The following VPS37A variants were observed in gnomAD, a reference collection of about 807,000 sequenced individuals.
The protein encoded by VPS37A is VPS37A subunit of ESCRT-I.
A neutral mutation model predicts 49.8 loss-of-function variants in VPS37A; 30 were observed. The ratio of observed to expected loss-of-function variants is 0.60; its 90% CI spans 0.45 to 0.82. The LOEUF is 0.82. Among genes scored for constraint, VPS37A ranks in the 40% least tolerant of loss-of-function variants. The pLI, the probability that VPS37A is intolerant of heterozygous loss-of-function variation, is 0.00. For missense variants in VPS37A, 593 were observed against 464.4 expected (o/e 1.28, Z -2.55); for synonymous variants, 195 against 160.6 (o/e 1.21, Z -1.62).
At chr8:17,279,017 C>T (rs1189841939) in intron 6 of VPS37A, among the ~76,000 whole-genome samples, 4 of 152,016 alleles carry the variant, frequency 2.6e-5, no homozygotes, top group African/African-American at 9.7e-5. Context: ...TTTGGTTTAG[C>T]CCTCCATTAT....
chr8:17,255,964 A>C (rs1475931732), intron 1 of VPS37A, among the ~76,000 whole-genome samples: 1 of 152,110 alleles, frequency 6.6e-6, no homozygotes, highest in Non-Finnish European at 1.5e-5. Flanking sequence ...TTTATTACAT[A>C]TTTTGGCTGT....
intron 9 of VPS37A, 113 bp from the exon 10 acceptor site, chr8:17,284,360 C>A: frequency 1.6e-6 from 2 of 1,237,294 alleles, no homozygotes; most frequent in African/African-American, 1.6e-5. Context: ...CAAAAAGAGG[C>A]TATATAGGGC....
chr8:17,321,883 A>C, the VPS37A span, among the ~76,000 whole-genome samples: 80,618 of 152,054 alleles, frequency 0.53, 22,250 homozygotes, highest in East Asian at 0.79. Flanking sequence ...GCAAAGACAA[A>C]AGATATAATT....
chr8:17,290,843 G>C (rs557035456), intron 11 of VPS37A, among the ~76,000 whole-genome samples: 2 of 152,008 alleles, frequency 1.3e-5, no homozygotes, highest in Non-Finnish European at 2.9e-5. Context: ...TTACTGCCTC[G>C]GTTTCAGAAC....
downstream of VPS37A, among the ~76,000 whole-genome samples, chr8:17,307,372 A>T (rs1339269364): frequency 6.6e-6 from 1 of 152,234 alleles, no homozygotes; most frequent in Non-Finnish European, 1.5e-5. Context: ...CGATCATTAA[A>T]AAGTCAGGAA....
At chr8:17,262,943 C>G (rs187613809) in intron 1 of VPS37A, among the ~76,000 whole-genome samples, 20 of 151,704 alleles carry the variant, frequency 1.3e-4, no homozygotes, top group Admixed American at 2.0e-4. Context: ...CACCTGTAGT[C>G]CCAGCTACTC....
chr8:17,298,389 T>C (rs1816878830), downstream of VPS37A: 1 of 152,142 alleles, frequency 6.6e-6, no homozygotes, highest in African/African-American at 2.4e-5. Flanking sequence ...CACAGTTCTC[T>C]AATATATTCT....
chr8:17,314,190 G>A, the VPS37A span, among the ~76,000 whole-genome samples: 2 of 152,028 alleles, frequency 1.3e-5, no homozygotes. Flanking sequence ...TCACAAATAC[G>A]GCAATCCAAA....
chr8:17,260,728 AT>A (rs1299361484), intron 1 of VPS37A, among the ~76,000 whole-genome samples: 3 of 152,150 alleles, frequency 2.0e-5, no homozygotes, highest in Non-Finnish European at 4.4e-5. Flanking sequence ...TGGTTACAGT[AT>A]TTTTGGATGG....
chr8:17,268,403 A>T (rs985438399), intron 3 of VPS37A, 31 bp downstream of exon 3: 1 of 1,450,018 alleles, frequency 6.9e-7, no homozygotes, highest in East Asian at 2.3e-5. Flanking sequence ...ATTTCAGGGT[A>T]ATATAATAGG....
the VPS37A span, among the ~76,000 whole-genome samples, chr8:17,326,680 A>G: frequency 3.9e-5 from 6 of 152,218 alleles, no homozygotes; most frequent in East Asian, 1.2e-3. Flanking sequence ...TGAACAGCCA[A>G]CATGTGGGGC....
chr8:17,270,180 CA>C (rs1813843410), intron 4 of VPS37A, among the ~76,000 whole-genome samples: 1 of 152,094 alleles, frequency 6.6e-6, no homozygotes, highest in South Asian at 2.1e-4. Flanking sequence ...CAGCAGGCCC[CA>C]CCTCCAACAT....
At chr8:17,253,619 G>C (rs1812172265) in intron 1 of VPS37A, among the ~76,000 whole-genome samples, 1 of 152,136 alleles carries the variant, frequency 6.6e-6, no homozygotes, top group Non-Finnish European at 1.5e-5. Flanking sequence ...GTATTTCCCT[G>C]ATTTACTTTT....
chr8:17,330,690 G>A, the VPS37A span, among the ~76,000 whole-genome samples: 8 of 152,298 alleles, frequency 5.3e-5, no homozygotes, highest in African/African-American at 1.9e-4. Flanking sequence ...ACATGCATGT[G>A]TATTGTGGTG....
chr8:17,265,672 C>G lies in VPS37A; in HGVS notation c.126-235C>G, dbSNP rs989951007. ...ATTAATGAAGAGTTTTTTCTTGCCT[C>G]TTTACATCATCATCCCCCTTCCCCT... On this transcript the variant is annotated intron_variant, in intron 1 of 11. Transcript: ENST00000324849. 2.2e-5 allele frequency: 25 copies of G among 1,133,566 alleles called. No individual in the cohort carries two copies. The Admixed American group carries it at 5.6e-4, about 26-fold the overall frequency. The allele number at this position is 1,133,566 out of a possible 1,614,324, so 70.2% of individuals were successfully genotyped here. A position where few individuals can be genotyped will look rare whatever the true frequency, so the allele number is the denominator to read the frequency against.
At chr8:17,287,094 G>GT (rs1289328746) in intron 11 of VPS37A, among the ~76,000 whole-genome samples, 1 of 152,032 alleles carries the variant, frequency 6.6e-6, no homozygotes, top group East Asian at 1.9e-4. Context: ...TTCTACCACG[G>GT]TATCTTTGGC....
At chr8:17,322,072 C>G in the VPS37A span, among the ~76,000 whole-genome samples, 1 of 152,126 alleles carries the variant, frequency 6.6e-6, no homozygotes, top group Non-Finnish European at 1.5e-5. Context: ...ACCCTGAGAT[C>G]TGAAGTTGAA....
At chr8:17,304,369 A>T (rs1817314516), downstream of VPS37A, 1 of 1,609,338 alleles carries the variant, frequency 6.2e-7, no homozygotes, top group East Asian at 2.2e-5. Context: ...GTTACCAAGG[A>T]TTTACATACT....
chr8:17,270,382 G>C (rs934242361), intron 4 of VPS37A, among the ~76,000 whole-genome samples: 1 of 152,120 alleles, frequency 6.6e-6, no homozygotes, highest in African/African-American at 2.4e-5. Flanking sequence ...GGTGTCGTCT[G>C]GCAGTTAATG....
Sources: gnomAD v4.1 joint callset for allele counts (sites outside exome capture counted in the v4.1 genomes callset) on GRCh38, gnomAD v4.1.1 for gene constraint, MANE v1.5 for transcripts, NCBI Gene and HGNC (gene_info 2026-07-23, HGNC 2026-07-21) for gene names.